The following KCNK13 variants were observed in gnomAD, a reference collection of about 807,000 sequenced individuals.
KCNK13 encodes potassium channel subfamily K member 13.
Under a neutral mutation model 23.4 loss-of-function variants are expected in KCNK13, and 12 were observed. That is an observed-to-expected ratio of 0.51 (90% CI 0.33 to 0.83). The LOEUF (loss-of-function observed/expected upper bound fraction) is 0.83. Ranked by LOEUF, KCNK13 falls within the 40% of genes least tolerant of loss-of-function variation. KCNK13 has a pLI of 0.02. For synonymous variants in KCNK13, 231 were observed against 229.5 expected (o/e 1.01, Z -0.06); for missense variants, 463 against 556.3 (o/e 0.83, Z 1.69).
rs933278294 is a variant in KCNK13, at chr14:90,184,052, C to T, written c.335-59C>T. ...CTTTGCCAGCCATCAAAGCCAAGAC[C>T]TAGACCCCATTCACAGCAAAGATTT... On this transcript the variant is annotated intron_variant, in intron 1 of 1. Coordinates refer to ENST00000282146, the MANE Select transcript of KCNK13 (RefSeq NM_022054.4). The surrounding 1 kb of genome is among the most constrained non-coding windows in gnomAD (Gnocchi z 5.6). 141 of 1,505,378 alleles carry T rather than the reference C, an allele frequency of 9.4e-5. No homozygotes were observed. The highest frequency in any genetic ancestry group is 1.2e-4 in the Non-Finnish European group (137 of 1,100,242). The allele number at this position is 1,505,378 out of a possible 1,614,324, so 93.3% of individuals were successfully genotyped here. A position where few individuals can be genotyped will look rare whatever the true frequency, so the allele number is the denominator to read the frequency against.
At chr14:90,120,005 C>A (rs1357165291) in intron 1 of KCNK13, among the ~76,000 whole-genome samples, 2 of 152,104 alleles carry the variant, frequency 1.3e-5, no homozygotes, top group African/African-American at 4.8e-5. Context: ...CAAATTATTT[C>A]ATCACCCAGG....
chr14:90,071,211 C>G (rs1889070596), intron 1 of KCNK13, among the ~76,000 whole-genome samples: 1 of 152,064 alleles, frequency 6.6e-6, no homozygotes, highest in African/African-American at 2.4e-5. Flanking sequence ...AGTGTTAACC[C>G]AAATAATTCT....
chr14:90,128,341 AT>A (rs1889827538), intron 1 of KCNK13, among the ~76,000 whole-genome samples: 1 of 152,104 alleles, frequency 6.6e-6, no homozygotes, highest in South Asian at 2.1e-4. Context: ...ACAAAACAAA[AT>A]TTTTAAGTAG....
At chr14:90,097,711 C>T (rs541454993) in intron 1 of KCNK13, among the ~76,000 whole-genome samples, 33 of 152,284 alleles carry the variant, frequency 2.2e-4, no homozygotes, top group Non-Finnish European at 3.1e-4. Context: ...TATGAATGCT[C>T]ACCAGCTGCC....
At chr14:90,145,062 G>T (rs1379070747) in intron 1 of KCNK13, among the ~76,000 whole-genome samples, 1 of 151,922 alleles carries the variant, frequency 6.6e-6, no homozygotes, top group Non-Finnish European at 1.5e-5. Context: ...GATTACATGG[G>T]GTTTTTTTTT....
intron 1 of KCNK13, among the ~76,000 whole-genome samples, chr14:90,141,994 A>G (rs2140428493): frequency 6.6e-6 from 1 of 150,714 alleles, no homozygotes; most frequent in South Asian, 2.1e-4. Flanking sequence ...TCACTGTGTT[A>G]GCCAGGATGG....
intron 1 of KCNK13, among the ~76,000 whole-genome samples, chr14:90,069,423 T>C (rs1157978090): frequency 1.3e-5 from 2 of 152,180 alleles, no homozygotes; most frequent in Non-Finnish European, 2.9e-5. Flanking sequence ...ATGGCTGTAC[T>C]CTACAAGACC....
chr14:90,184,379 A>G lies in KCNK13; in HGVS notation c.603A>G (p.Leu201=). Residue 201 remains leucine (L), a synonymous_variant, in exon 2 of 2, where the codon CTA becomes CTG. Transcript: ENST00000282146. The surrounding 1 kb of genome is among the most constrained non-coding windows in gnomAD (Gnocchi z 5.6). The part of the protein sequence containing the change: ...KPSVYYVMLI[L]CTASILISCC... Reference sequence around the variant, plus strand: ...CCGTGTACTACGTCATGCTGATCCTATGCACAGCCTCCATCCTCATCTCTT... The same window carrying G: ...CCGTGTACTACGTCATGCTGATCCTGTGCACAGCCTCCATCCTCATCTCTT... 1 of 1,614,224 alleles carries G rather than the reference A, an allele frequency of 6.2e-7. No homozygotes were observed. The highest frequency in any genetic ancestry group is 1.1e-5 in the South Asian group (1 of 91,082).
chr14:90,143,190 C>CTTTTCT lies in KCNK13; in HGVS notation c.335-40918_335-40917insTCTTTT, dbSNP rs1302100655. Among the ~76,000 whole-genome samples the CTTTTCT allele has an allele frequency of 4.6e-5, 5 of 109,424 alleles. No homozygotes were observed. The East Asian group carries it at 1.2e-3, about 26-fold the overall frequency. 71.8% of individuals were successfully genotyped at this position (109,424 alleles called of 152,430 possible). A position where few individuals can be genotyped will look rare whatever the true frequency, so the allele number is the denominator to read the frequency against. ...TTCTTTCTTTCTTTTCTTTTCTTTTCTTTCTTTCTTTTCTTTCTTTTCTTT... is the reference window on the plus strand; with the variant it reads ...TTCTTTCTTTCTTTTCTTTTCTTTTCTTTTCTTTTCTTTCTTTTCTTTCTTTTCTTT... On this transcript the variant is annotated intron_variant, in intron 1 of 1. Coordinates refer to ENST00000282146, the MANE Select transcript of KCNK13 (RefSeq NM_022054.4).
intron 1 of KCNK13, among the ~76,000 whole-genome samples, chr14:90,173,587 T>C (rs906901166): frequency 4.0e-5 from 6 of 151,898 alleles, no homozygotes; most frequent in African/African-American, 1.2e-4. Context: ...CACACCAGGG[T>C]TTGAAATGGG....
intron 1 of KCNK13, among the ~76,000 whole-genome samples, chr14:90,150,490 A>T (rs1890123205): frequency 6.6e-6 from 1 of 152,144 alleles, no homozygotes; most frequent in Non-Finnish European, 1.5e-5. Flanking sequence ...TAAAATTCTC[A>T]ATCTGTCTCT....
At chr14:90,081,713 ACCCTTTAGCGTTTGCC>A (rs1889214894) in intron 1 of KCNK13, among the ~76,000 whole-genome samples, 1 of 152,200 alleles carries the variant, frequency 6.6e-6, no homozygotes, top group Non-Finnish European at 1.5e-5. Context: ...GAAACCTCAT[ACCCTTTAGCGTTTGCC>A]CCCTGTTATG....
At chr14:90,092,834 C>A (rs1015339815) in intron 1 of KCNK13, among the ~76,000 whole-genome samples, 1 of 147,930 alleles carries the variant, frequency 6.8e-6, no homozygotes, top group African/African-American at 2.5e-5. Context: ...TTTGCTTGAG[C>A]CCAGGAGGTC....
chr14:90,141,521 G>A (rs960072214), intron 1 of KCNK13, among the ~76,000 whole-genome samples: 2 of 152,032 alleles, frequency 1.3e-5, no homozygotes, highest in South Asian at 4.2e-4. Context: ...GAAATGGCAC[G>A]ATCTTGGCTC....
chr14:90,098,661 A>G (rs1889439275), intron 1 of KCNK13, among the ~76,000 whole-genome samples: 1 of 152,068 alleles, frequency 6.6e-6, no homozygotes, highest in African/African-American at 2.4e-5. Flanking sequence ...TCCAAAAAAA[A>G]AAAAAGAAAA....
At chr14:90,129,403 G>A (rs954592768) in intron 1 of KCNK13, among the ~76,000 whole-genome samples, 10 of 152,080 alleles carry the variant, frequency 6.6e-5, no homozygotes, top group African/African-American at 1.9e-4. Flanking sequence ...AGAATTGCTC[G>A]GGAAGAACAC....
At chr14:90,162,718 G>A (rs1400425088) in intron 1 of KCNK13, among the ~76,000 whole-genome samples, 1 of 152,204 alleles carries the variant, frequency 6.6e-6, no homozygotes, top group Admixed American at 6.5e-5. Flanking sequence ...GGGTAAGGAA[G>A]GAAAGACTTT....
rs893919753 is a variant in KCNK13 at position 90,062,855 on chromosome 14, C to G, written c.334+316C>G. Among the ~76,000 whole-genome samples, 1 of 152,186 alleles carries G rather than the reference C, an allele frequency of 6.6e-6. No individual in the cohort carries two copies. The highest frequency in any genetic ancestry group is 2.4e-5 in the African/African-American group (1 of 41,438). On this transcript the variant is annotated intron_variant, in intron 1 of 1. Coordinates refer to ENST00000282146, the MANE Select transcript of KCNK13 (RefSeq NM_022054.4). The surrounding 1 kb of genome is among the most constrained non-coding windows in gnomAD (Gnocchi z 4.5). ...GAATGATCCTTAAATTGGAGACGCT[C>G]TGCTCTGGGAGATTTTCAGTCTAAT...
In KCNK13 at chr14:90,185,389, C is replaced by T. The variant is rs528741763; in HGVS notation, c.*386C>T. The T allele has an allele frequency of 6.6e-4, 108 of 164,214 alleles. No individual in the cohort carries two copies. Among genetic ancestry groups the T allele is most frequent in the African/African-American group, 2.5e-3 (104 of 41,904 alleles). 10.2% of individuals were successfully genotyped at this position (164,214 alleles called of 1,614,324 possible). On this transcript the variant is annotated 3_prime_UTR_variant, in exon 2 of 2. Transcript: ENST00000282146. ...GTTCCTTATTTGGGAACAAAAATTGCGAAGACTCATCTTTCCCTAGAACTC... is the reference window on the plus strand; with the variant it reads ...GTTCCTTATTTGGGAACAAAAATTGTGAAGACTCATCTTTCCCTAGAACTC...
Sources: gnomAD v4.1 joint callset for allele counts (sites outside exome capture counted in the v4.1 genomes callset) on GRCh38, gnomAD v4.1.1 for gene constraint, Gnocchi (gnomAD v3.1) non-coding constraint, MANE v1.5 for transcripts, NCBI Gene and HGNC (gene_info 2026-07-23, HGNC 2026-07-21) for gene names.